The following LNPEP variants were observed in gnomAD, a reference collection of about 807,000 sequenced individuals.
LNPEP encodes leucyl-cystinyl aminopeptidase.
LNPEP carries 64 observed loss-of-function variants against 120.6 expected under a neutral mutation model. The ratio of observed to expected loss-of-function variants is 0.53; its 90% CI spans 0.43 to 0.65. The LOEUF is 0.65. LNPEP is among the 30% of genes least tolerant of loss of function. The probability of loss-of-function intolerance (pLI) is 0.00; values close to 1 mark genes in which losing one functional copy is unlikely to be tolerated. For synonymous variants in LNPEP, 435 were observed against 425.4 expected, an observed-to-expected ratio of 1.02 and a Z score of -0.28; for missense variants, 1,057 against 1,200.0, an observed-to-expected ratio of 0.88 and a Z score of 1.76.
In LNPEP at chr5:97,028,402, G is replaced by T. The variant is rs1421467056; in HGVS notation, c.2947G>T (p.Val983Phe). ...AAATTCTTCTGTGTGAAACTTACAGGTTCAGGCATTCTTTGAAAATCAGTC... is the reference window on the plus strand; with the variant it reads ...AAATTCTTCTGTGTGAAACTTACAGTTTCAGGCATTCTTTGAAAATCAGTC... ...LFSTKTHLSE[V>F]QAFFENQSEA... Residue 983 changes from valine (V) to phenylalanine (F), a missense_variant and splice_region_variant, in exon 18 of 18, where the codon GTT becomes TTT. Coordinates refer to ENST00000231368, the MANE Select transcript of LNPEP (RefSeq NM_005575.3). 2 of 1,613,450 alleles carry T rather than the reference G, an allele frequency of 1.2e-6. No individual in the cohort carries two copies. Among genetic ancestry groups the T allele is most frequent in the Non-Finnish European group, 1.7e-6 (2 of 1,179,560 alleles).
chr5:96,993,476 C>T (rs143022852), intron 5 of LNPEP, among the ~76,000 whole-genome samples: 1 of 152,302 alleles, frequency 6.6e-6, no homozygotes, highest in African/African-American at 2.4e-5. Context: ...AAAGCAAGAA[C>T]ATTTCAGTGC....
intron 13 of LNPEP, among the ~76,000 whole-genome samples, chr5:97,021,520 CA>C (rs1250776457): frequency 6.6e-6 from 1 of 152,128 alleles, no homozygotes; most frequent in Non-Finnish European, 1.5e-5. Context: ...AACATTTAAA[CA>C]TTAACTATCA....
intron 1 of LNPEP, among the ~76,000 whole-genome samples, chr5:96,978,428 T>C (rs909044602): frequency 7.2e-5 from 11 of 152,214 alleles, no homozygotes; most frequent in African/African-American, 2.4e-4. Context: ...TGACTTTTAT[T>C]GTCTTTTGAT....
At chr5:96,990,543 A>C (rs956144669) in intron 4 of LNPEP, among the ~76,000 whole-genome samples, 1 of 152,192 alleles carries the variant, frequency 6.6e-6, no homozygotes, top group East Asian at 1.9e-4. Context: ...AATAACAATA[A>C]CTACCATTTA....
Position 97,022,152 on chromosome 5 carries a change from C to T in LNPEP, c.2377-148C>T, listed in dbSNP as rs113116129. ...CCGTGTTGGCCAGGATGGTCTCAAA[C>T]TCCTGACCTCAGGTGATCTGCCCGC... On this transcript the variant is annotated intron_variant, in intron 13 of 17. Transcript: ENST00000231368. The T allele has an allele frequency of 2.7e-3, 1,580 of 578,640 alleles. 24 individuals are homozygous for T. Among genetic ancestry groups the T allele is most frequent in the African/African-American group, 0.026 (1,350 of 52,368 alleles). 35.8% of individuals were successfully genotyped at this position (578,640 alleles called of 1,614,324 possible).
intron 11 of LNPEP, among the ~76,000 whole-genome samples, chr5:97,011,633 C>A (rs780550874): frequency 6.6e-6 from 1 of 152,196 alleles, no homozygotes; most frequent in Non-Finnish European, 1.5e-5. Context: ...TTTCCTTAGT[C>A]ATAGGTTTGC....
At chr5:97,003,394 C>T (rs1339967167) in intron 8 of LNPEP, 21 bp from the exon 9 acceptor site, 56 of 1,321,316 alleles carry the variant, frequency 4.2e-5, no homozygotes, top group East Asian at 1.7e-4. Context: ...CTTTCTTTTT[C>T]CTCACTTTTT....
At chr5:96,968,724 GA>G (rs575839829) in intron 1 of LNPEP, among the ~76,000 whole-genome samples, 1 of 151,914 alleles carries the variant, frequency 6.6e-6, no homozygotes, top group African/African-American at 2.4e-5. Context: ...TAAAGAGGGA[GA>G]AAAAAAGCCT....
chr5:96,994,977 G>A (rs768005010), intron 6 of LNPEP, among the ~76,000 whole-genome samples: 13 of 152,134 alleles, frequency 8.5e-5, no homozygotes, highest in Non-Finnish European at 1.5e-4. Flanking sequence ...GCGTGGTGGT[G>A]CATGCCTGTA....
intron 10 of LNPEP, 22 bp downstream of exon 10, chr5:97,006,255 A>G (rs1377383354): frequency 2.5e-6 from 4 of 1,579,686 alleles, no homozygotes; most frequent in Non-Finnish European, 3.4e-6. Context: ...CTTTCTTTTC[A>G]TGCCATCTCT....
intron 11 of LNPEP, among the ~76,000 whole-genome samples, chr5:97,011,929 G>C (rs1790938084): frequency 2.0e-5 from 3 of 152,092 alleles, no homozygotes; most frequent in Admixed American, 1.3e-4. Flanking sequence ...TGACACATTT[G>C]AATAATTCAT....
chr5:97,006,473 T>C lies in LNPEP; in HGVS notation c.1993T>C (p.Tyr665His), dbSNP rs1345538490. ...ATCCTATGTCACTGAAGGAAGAAAT[T>C]ATTCAAAATATCAATCGGTATCATT... The part of the protein sequence containing the change: ...PLSYVTEGRN[Y>H]SKYQSVSLLD... Residue 665 changes from tyrosine (Y) to histidine (H), a missense_variant, in exon 11 of 18, where the codon TAT (tyrosine) becomes CAT (histidine). Tyr to His is a moderately conservative substitution (Grantham distance 83). Transcript: ENST00000231368. 6.3e-7 allele frequency: 1 copy of C among 1,581,196 alleles called. No individual in the cohort carries two copies. Among genetic ancestry groups the C allele is most frequent in the East Asian group, 2.2e-5 (1 of 44,646 alleles).
chr5:96,958,503 G>A (rs147524363), intron 1 of LNPEP: 1,145 of 985,258 alleles, frequency 1.2e-3, no homozygotes, highest in Non-Finnish European at 1.3e-3. Context: ...TGAATGTCAG[G>A]CATGTTGTGG....
chr5:96,970,228 T>C (rs1174768125), intron 1 of LNPEP, among the ~76,000 whole-genome samples: 1 of 152,088 alleles, frequency 6.6e-6, no homozygotes, highest in Non-Finnish European at 1.5e-5. Context: ...TGACCTTACT[T>C]ATTTGTTGTC....
chr5:97,027,667 C>A, intron 16 of LNPEP, 66 bp from the exon 17 acceptor site: 1 of 996,108 alleles, frequency 1.0e-6, no homozygotes, highest in South Asian at 1.3e-5. Flanking sequence ...CTTTTCCTTG[C>A]ACTCAGGAAC....
At chr5:97,015,469 A>G (rs895449026) in intron 13 of LNPEP, among the ~76,000 whole-genome samples, 1 of 152,208 alleles carries the variant, frequency 6.6e-6, no homozygotes, top group Admixed American at 6.5e-5. Context: ...AATGACAGTT[A>G]CGTTTGTATT....
At chr5:97,027,869 C>T in intron 17 of LNPEP, 55 bp downstream of exon 17, 1 of 1,024,534 alleles carries the variant, frequency 9.8e-7, no homozygotes, top group Non-Finnish European at 1.6e-6. Context: ...CACACCCGGA[C>T]CAGGCTGCTC....
intron 4 of LNPEP, among the ~76,000 whole-genome samples, chr5:96,991,329 G>A (rs372478312): frequency 2.0e-5 from 3 of 152,066 alleles, no homozygotes; most frequent in East Asian, 1.9e-4. Context: ...CCCAGTAGTG[G>A]GACTGACAAA....
intron 1 of LNPEP, among the ~76,000 whole-genome samples, chr5:96,948,921 T>C (rs1391100180): frequency 6.6e-6 from 1 of 152,232 alleles, no homozygotes; most frequent in African/African-American, 2.4e-5. Context: ...TGGCTCTTTA[T>C]TCACTAGCTC....
Sources: gnomAD v4.1 joint callset for allele counts (sites outside exome capture counted in the v4.1 genomes callset) on GRCh38, gnomAD v4.1.1 for gene constraint, MANE v1.5 for transcripts, NCBI Gene and HGNC (gene_info 2026-07-23, HGNC 2026-07-21) for gene names.